The following SPRED2 variants were observed in gnomAD, a reference collection of about 807,000 sequenced individuals.
SPRED2 encodes sprouty related EVH1 domain containing 2.
Under a neutral mutation model 43.0 loss-of-function variants are expected in SPRED2, and 47 were observed. The observed-to-expected ratio is 1.09, with a 90% CI of 0.87 to 1.40. SPRED2 has a LOEUF of 1.40. SPRED2 is among the 40% of genes most tolerant of loss of function. The probability of loss-of-function intolerance (pLI) is 0.00; values close to 1 mark genes in which losing one functional copy is unlikely to be tolerated. For synonymous variants in SPRED2, 225 were observed against 225.7 expected, an observed-to-expected ratio of 1.00 and a Z score of 0.03; for missense variants, 561 against 586.4, an observed-to-expected ratio of 0.96 and a Z score of 0.45.
At chr2:65,353,520 G>A (rs1467168880) in intron 1 of SPRED2, among the ~76,000 whole-genome samples, 1 of 152,148 alleles carries the variant, frequency 6.6e-6, no homozygotes, top group Admixed American at 6.5e-5. Context: ...GTCAAAGTTT[G>A]CTAGACTTGG....
intron 1 of SPRED2, among the ~76,000 whole-genome samples, chr2:65,413,601 C>T (rs557963667): frequency 9.2e-5 from 14 of 152,316 alleles, no homozygotes; most frequent in African/African-American, 3.4e-4. Flanking sequence ...GAGCTGCATA[C>T]CCAAGTCACC....
intron 4 of SPRED2, among the ~76,000 whole-genome samples, chr2:65,322,290 A>ATC (rs1346549604): frequency 5.6e-4 from 44 of 78,946 alleles, no homozygotes; most frequent in African/African-American, 2.6e-3. Flanking sequence ...ATATATATAT[A>ATC]TATATTTTTT....
chr2:65,391,083 A>C (rs1205478721), intron 1 of SPRED2, among the ~76,000 whole-genome samples: 21 of 60,354 alleles, frequency 3.5e-4, no homozygotes, highest in Non-Finnish European at 7.9e-4. Flanking sequence ...GCGAGACTCC[A>C]TCTCAAAAAA....
At chr2:65,324,376 T>G (rs1421666172) in intron 4 of SPRED2, among the ~76,000 whole-genome samples, 3 of 152,168 alleles carry the variant, frequency 2.0e-5, no homozygotes, top group African/African-American at 7.2e-5. Flanking sequence ...CAAAAGACAC[T>G]GGGCTGAAAC....
chr2:65,390,365 A>C (rs1675603210), intron 1 of SPRED2, among the ~76,000 whole-genome samples: 1 of 152,172 alleles, frequency 6.6e-6, no homozygotes, highest in Admixed American at 6.5e-5. Context: ...TCCTCTGTGT[A>C]AGGTCAAAGG....
chr2:65,380,869 C>A (rs1415268949), intron 1 of SPRED2, among the ~76,000 whole-genome samples: 1 of 152,048 alleles, frequency 6.6e-6, no homozygotes, highest in Non-Finnish European at 1.5e-5. Context: ...ATTATATCTT[C>A]TATTACATGT....
chr2:65,390,321 C>T (rs994554963), intron 1 of SPRED2, among the ~76,000 whole-genome samples: 2 of 152,222 alleles, frequency 1.3e-5, no homozygotes, highest in African/African-American at 4.8e-5. Context: ...TGGAAATCCC[C>T]GCCCCGGCTC....
intron 1 of SPRED2, among the ~76,000 whole-genome samples, chr2:65,388,337 C>T (rs1675550446): frequency 6.6e-6 from 1 of 152,228 alleles, no homozygotes. Context: ...AAGACATTAT[C>T]AGTGCCCAAC....
At chr2:65,415,641 T>C (rs538096964) in intron 1 of SPRED2, among the ~76,000 whole-genome samples, 144 of 152,248 alleles carry the variant, frequency 9.5e-4, no homozygotes, top group African/African-American at 3.0e-3. Context: ...AAAACATTAA[T>C]AGACCTTTTA....
chr2:65,358,406 T>TG (rs1436906400), intron 1 of SPRED2, among the ~76,000 whole-genome samples: 1 of 152,118 alleles, frequency 6.6e-6, no homozygotes. Context: ...ATGGAACAAA[T>TG]GCAGGCCAAG....
chr2:65,378,800 C>T (rs1181938455), intron 1 of SPRED2, among the ~76,000 whole-genome samples: 3 of 152,334 alleles, frequency 2.0e-5, no homozygotes, highest in East Asian at 1.9e-4. Flanking sequence ...TGTTTTAATT[C>T]ATGCCTAATT....
chr2:65,386,250 A>G (rs1675497272), intron 1 of SPRED2, among the ~76,000 whole-genome samples: 1 of 134,672 alleles, frequency 7.4e-6, no homozygotes, highest in African/African-American at 2.7e-5. Flanking sequence ...GCGCCATTGC[A>G]CTCCAGCCTG....
intron 4 of SPRED2, among the ~76,000 whole-genome samples, chr2:65,322,175 C>G (rs1673432440): frequency 1.4e-5 from 2 of 144,948 alleles, no homozygotes; most frequent in Non-Finnish European, 1.5e-5. Context: ...CCTTATGAAA[C>G]TAGATTTTTC....
In SPRED2 at chr2:65,313,958, G is replaced by GA; in HGVS notation, c.799_800insT (p.Pro267LeufsTer104). The GA allele has an allele frequency of 6.2e-7, 1 of 1,612,460 alleles. No homozygotes were observed. The highest frequency in any genetic ancestry group is 8.5e-7 in the Non-Finnish European group (1 of 1,180,014). On this transcript the variant is annotated frameshift_variant, in exon 6 of 6. Transcript: ENST00000356388. LOFTEE classifies it high-confidence loss of function. ...GCCAAAGTCTGAGGAGTCCACGTAG[G>GA]GGTAGTTGTAGTCATGCTTGGGGAC... is the stretch of plus-strand genomic sequence containing the variant.
chr2:65,344,776 G>A lies in SPRED2; in HGVS notation c.147C>T (p.Pro49=), dbSNP rs146620623. The change falls in exon 2 of 6, where the codon CCC becomes CCT. Residue 49 remains proline, a synonymous_variant. Coordinates refer to ENST00000356388, the MANE Select transcript of SPRED2 (RefSeq NM_181784.3). ...GAAAGCCGCTTCGTCCATTGCCTTC[G>A]GGGTGCATGACCTTACAGACCCCGA... ...SRVGVCKVMH[P]EGNGRSGFLI... The A allele has an allele frequency of 8.1e-5, 130 of 1,614,014 alleles. No homozygotes were observed. The African/African-American group carries it at 1.3e-3, about 17-fold the overall frequency.
At chr2:65,316,679 T>G (rs1673243089) in intron 5 of SPRED2, 55 bp downstream of exon 5, 1 of 1,560,316 alleles carries the variant, frequency 6.4e-7, no homozygotes, top group Non-Finnish European at 8.7e-7. Context: ...AAGAGGCCAT[T>G]CCAGAATCAG....
intron 1 of SPRED2, among the ~76,000 whole-genome samples, chr2:65,424,395 A>G (rs1054468337): frequency 5.9e-5 from 9 of 152,182 alleles, no homozygotes; most frequent in African/African-American, 2.2e-4. Context: ...TAGTTACTTC[A>G]ACCAATTGAT....
chr2:65,373,409 G>A (rs1277495748), intron 1 of SPRED2, among the ~76,000 whole-genome samples: 2 of 152,206 alleles, frequency 1.3e-5, no homozygotes, highest in African/African-American at 4.8e-5. Flanking sequence ...CCTGATGCTG[G>A]ATCTAAGAGA....
Position 65,314,020 on chromosome 2 carries a change from G to T in SPRED2, c.738C>A (p.Asp246Glu). Residue 246 changes from aspartate (D) to glutamate (E), a missense_variant, in exon 6 of 6, where the codon GAC becomes GAA. This residue lies in a region of SPRED2 where 164 missense variants were observed against 164.1 expected (regional missense o/e 1.00). Coordinates refer to ENST00000356388, the MANE Select transcript of SPRED2 (RefSeq NM_181784.3). ...VRGKYPDPSE[D>E]ADSSYVRFAK... ...CGAAGCGCACGTAGGAGGAGTCCGC[G>T]TCCTCCGAGGGGTCCGGGTACTTGC... 12 of 1,614,094 alleles carry T rather than the reference G, an allele frequency of 7.4e-6. No individual in the cohort carries two copies. The highest frequency in any genetic ancestry group is 1.0e-5 in the Non-Finnish European group (12 of 1,180,036).
Sources: allele counts gnomAD v4.1 joint callset (sites outside exome capture counted in the v4.1 genomes callset), GRCh38; gene constraint gnomAD v4.1.1; regional missense constraint gnomAD v4.1.1; transcripts MANE v1.5; gene names NCBI Gene and HGNC (gene_info 2026-07-23, HGNC 2026-07-21).